Variants in SH3RF1 observed in about 807,000 individuals in gnomAD.
SH3RF1 encodes the protein E3 ubiquitin-protein ligase SH3RF1.
In SH3RF1, 32 loss-of-function variants were observed where a neutral mutation model predicts 74.0. That is an observed-to-expected ratio of 0.43 (90% CI 0.33 to 0.58). The LOEUF (loss-of-function observed/expected upper bound fraction) is 0.58. Ranked by LOEUF, SH3RF1 falls within the 20% of genes least tolerant of loss-of-function variation. SH3RF1 has a pLI of 0.05. For missense variants in SH3RF1, 954 were observed against 1,130.9 expected, an observed-to-expected ratio of 0.84 and a Z score of 2.24; for synonymous variants, 396 against 439.6, an observed-to-expected ratio of 0.90 and a Z score of 1.24.
In SH3RF1 at chr4:169,130,071, T is replaced by C. The variant is rs757771436; in HGVS notation, c.1154A>G (p.Asp385Gly). The change falls in exon 6 of 12, where the codon GAT (aspartate) becomes GGT (glycine). Residue 385 changes from aspartate (D) to glycine (G), a missense_variant. Asp to Gly is a moderately conservative substitution (Grantham distance 94). Around this residue, in one of 3 missense-constraint regions of SH3RF1, gnomAD observed 854 missense variants for 962.5 expected, o/e 0.89. Transcript: ENST00000284637. ...TCCAAGGGCAGCTTGGTAGGGAACA[T>C]CTGATGGGAAAGTAAACGAGGGGCC... ...TTGPSFTFPS[D>G]VPYQAALGTL... 11 of 1,613,510 alleles carry C rather than the reference T, an allele frequency of 6.8e-6. No homozygotes were observed. In the East Asian group the frequency reaches 2.2e-4, roughly 33 times the overall value.
chr4:169,220,809 C>T (rs1300218319), intron 2 of SH3RF1, among the ~76,000 whole-genome samples: 3 of 152,086 alleles, frequency 2.0e-5, no homozygotes, highest in East Asian at 1.9e-4. Flanking sequence ...AAATGCAATC[C>T]GGAGTAAAAA....
At chr4:169,117,379 T>C (rs1333573853) in intron 9 of SH3RF1, 144 bp downstream of exon 9, 3 of 1,190,736 alleles carry the variant, frequency 2.5e-6, no homozygotes, top group Non-Finnish European at 3.5e-6. Context: ...AATAAGCAGA[T>C]ACAAGGTGCC....
intron 2 of SH3RF1, among the ~76,000 whole-genome samples, chr4:169,230,329 G>C (rs905760755): frequency 3.9e-5 from 6 of 152,122 alleles, no homozygotes; most frequent in Non-Finnish European, 7.4e-5. Flanking sequence ...CTCAAATAGA[G>C]CCGTGGATGC....
intron 2 of SH3RF1, among the ~76,000 whole-genome samples, chr4:169,208,795 T>A (rs2126994605): frequency 6.6e-6 from 1 of 152,268 alleles, no homozygotes; most frequent in Non-Finnish European, 1.5e-5. Flanking sequence ...AACATTCATT[T>A]CAAGTCCTTT....
chr4:169,154,187 T>C (rs958371489), intron 4 of SH3RF1, among the ~76,000 whole-genome samples: 4 of 152,150 alleles, frequency 2.6e-5, no homozygotes, highest in African/African-American at 9.7e-5. Flanking sequence ...TTAAGGGTTG[T>C]TTGGTTTTTT....
intron 2 of SH3RF1, among the ~76,000 whole-genome samples, chr4:169,214,895 C>T (rs988369561): frequency 2.0e-5 from 3 of 152,122 alleles, no homozygotes; most frequent in African/African-American, 7.2e-5. Context: ...CGTATATTAT[C>T]ATGTCCTCTG....
intron 6 of SH3RF1, among the ~76,000 whole-genome samples, chr4:169,124,957 C>G (rs1050178500): frequency 4.7e-4 from 72 of 152,124 alleles, no homozygotes; most frequent in Non-Finnish European, 3.5e-4. Context: ...TCCAGGCCAG[C>G]CCAGGCACCA....
intron 2 of SH3RF1, among the ~76,000 whole-genome samples, chr4:169,256,329 T>C (rs1561066393): frequency 6.7e-6 from 1 of 149,464 alleles, no homozygotes; most frequent in East Asian, 2.0e-4. Context: ...GAGGGAGAAA[T>C]AGAGGGAGGG....
At chr4:169,167,315 C>G (rs990856700) in intron 2 of SH3RF1, among the ~76,000 whole-genome samples, 2 of 152,132 alleles carry the variant, frequency 1.3e-5, no homozygotes, top group African/African-American at 4.8e-5. Context: ...AGACTGACAA[C>G]AGAAAATTTT....
chr4:169,108,204 A>G (rs1300943430), intron 10 of SH3RF1, among the ~76,000 whole-genome samples: 1 of 152,244 alleles, frequency 6.6e-6, no homozygotes, highest in African/African-American at 2.4e-5. Flanking sequence ...ACTGCTTGAA[A>G]ATGAAACACT....
intron 2 of SH3RF1, among the ~76,000 whole-genome samples, chr4:169,176,898 G>T (rs891557533): frequency 6.6e-6 from 1 of 152,062 alleles, no homozygotes; most frequent in African/African-American, 2.4e-5. Context: ...TAGGATTAAA[G>T]GTGCATGTTA....
chr4:169,268,556 T>C (rs990314878), intron 2 of SH3RF1, among the ~76,000 whole-genome samples: 3 of 152,252 alleles, frequency 2.0e-5, no homozygotes, highest in Non-Finnish European at 4.4e-5. Flanking sequence ...TTTCATTCAC[T>C]AATTGCTACT....
intron 2 of SH3RF1, among the ~76,000 whole-genome samples, chr4:169,257,185 A>C (rs2110753890): frequency 6.6e-6 from 1 of 152,294 alleles, no homozygotes; most frequent in South Asian, 2.1e-4. Context: ...ATTACCAGAC[A>C]CTTTCTGTCC....
chr4:169,162,152 G>A lies in SH3RF1; in HGVS notation c.394-5473C>T, dbSNP rs115932847. Reference sequence around the variant, plus strand: ...AGCCTGGGCAATAGAGTGAGACTCCGTCTCAGAAAAAAAAGTAAAAAAAAA... The same window carrying A: ...AGCCTGGGCAATAGAGTGAGACTCCATCTCAGAAAAAAAAGTAAAAAAAAA... On this transcript the variant is annotated intron_variant, in intron 2 of 11. Coordinates refer to ENST00000284637, the MANE Select transcript of SH3RF1 (RefSeq NM_020870.4). Among the ~76,000 whole-genome samples, 953 of 151,908 alleles carry A rather than the reference G, an allele frequency of 6.3e-3. 15 individuals carry two copies. Among genetic ancestry groups the A allele is most frequent in the African/African-American group, 0.021 (876 of 41,418 alleles).
chr4:169,233,014 C>T (rs771839610), intron 2 of SH3RF1, among the ~76,000 whole-genome samples: 1 of 151,988 alleles, frequency 6.6e-6, no homozygotes, highest in East Asian at 1.9e-4. Context: ...TTTGGGAGGC[C>T]GAGGCAGGCA....
At chr4:169,193,537 T>G (rs1178036047) in intron 2 of SH3RF1, among the ~76,000 whole-genome samples, 1 of 152,198 alleles carries the variant, frequency 6.6e-6, no homozygotes, top group Non-Finnish European at 1.5e-5. Context: ...GTCTGCAAGT[T>G]AAAACTGTCA....
chr4:169,156,780 C>A (rs1199686429), intron 2 of SH3RF1, 101 bp from the exon 3 acceptor site: 6 of 1,062,554 alleles, frequency 5.6e-6, no homozygotes, highest in Non-Finnish European at 8.1e-6. Flanking sequence ...AAAGTCAAAA[C>A]CACACTGTAA....
At chr4:169,153,273 T>G (rs1488611697) in intron 4 of SH3RF1, among the ~76,000 whole-genome samples, 2 of 152,218 alleles carry the variant, frequency 1.3e-5, no homozygotes, top group African/African-American at 4.8e-5. Flanking sequence ...CATCATCTCA[T>G]TCAATCTTCT....
chr4:169,136,433 G>T lies in SH3RF1; in HGVS notation c.953C>A (p.Ser318Tyr). Residue 318 changes from serine to tyrosine, a missense_variant, in exon 5 of 12, where the codon TCC (serine) becomes TAC (tyrosine). Ser to Tyr is a moderately radical substitution (Grantham distance 144). This residue lies in a region of SH3RF1 where 854 missense variants were observed against 962.5 expected (regional missense o/e 0.89). Transcript: ENST00000284637. ...GATCTCCATGGAGTGGCGGTTCTGGGATGCCTGGGAGGACTTGTTGGCCAT... is the reference window on the plus strand; with the variant it reads ...GATCTCCATGGAGTGGCGGTTCTGGTATGCCTGGGAGGACTTGTTGGCCAT... ...LTMANKSSQA[S>Y]QNRHSMEISP... 6.2e-7 allele frequency: 1 copy of T among 1,609,638 alleles called. No homozygotes were observed. Among genetic ancestry groups the T allele is most frequent in the Non-Finnish European group, 8.5e-7 (1 of 1,177,208 alleles).
Sources: allele counts gnomAD v4.1 joint callset (sites outside exome capture counted in the v4.1 genomes callset), GRCh38; gene constraint gnomAD v4.1.1; regional missense constraint gnomAD v4.1.1; transcripts MANE v1.5; gene names NCBI Gene and HGNC (gene_info 2026-07-23, HGNC 2026-07-21).